Variants in PAWR observed in about 807,000 individuals in gnomAD.
PAWR encodes pro-apoptotic WT1 regulator.
A neutral mutation model predicts 32.0 loss-of-function variants in PAWR; 23 were observed. The ratio of observed to expected loss-of-function variants is 0.72; its 90% CI spans 0.52 to 1.02. The LOEUF is 1.02. Among genes scored for constraint, PAWR ranks in the 50% least tolerant of loss-of-function variants. PAWR has a pLI of 0.00. For missense variants in PAWR, 457 were observed against 437.7 expected (o/e 1.04, Z -0.39); for synonymous variants, 226 against 187.1 (o/e 1.21, Z -1.70).
At chr12:79,614,795 T>A (rs531434180) in intron 3 of PAWR, among the ~76,000 whole-genome samples, 56 of 152,316 alleles carry the variant, frequency 3.7e-4, no homozygotes, top group African/African-American at 1.3e-3. Flanking sequence ...ACTGACTGCA[T>A]GATGCGATAA....
chr12:79,665,641 T>C (rs1299940428), intron 2 of PAWR, among the ~76,000 whole-genome samples: 1 of 152,200 alleles, frequency 6.6e-6, no homozygotes, highest in Non-Finnish European at 1.5e-5. Flanking sequence ...TGAAATTTCA[T>C]TATGCCTAAT....
chr12:79,623,519 T>C (rs1475690083), intron 2 of PAWR, among the ~76,000 whole-genome samples: 1 of 152,156 alleles, frequency 6.6e-6, no homozygotes, highest in Non-Finnish European at 1.5e-5. Context: ...TTAAGATTTT[T>C]TTCAGTAAAT....
At chr12:79,689,294 C>T (rs1878844187) in intron 2 of PAWR, among the ~76,000 whole-genome samples, 1 of 152,186 alleles carries the variant, frequency 6.6e-6, no homozygotes, top group African/African-American at 2.4e-5. Context: ...TGTTATTAAA[C>T]ATTGGTAAGA....
chr12:79,612,729 G>A (rs138985012), intron 4 of PAWR, among the ~76,000 whole-genome samples: 1 of 152,124 alleles, frequency 6.6e-6, no homozygotes, highest in Non-Finnish European at 1.5e-5. Flanking sequence ...ATCATTCTAG[G>A]ATTATTAGCG....
rs530362433 is a variant in PAWR, at chr12:79,591,236, T to C, written c.*1371A>G. The C allele has an allele frequency of 2.0e-5, 3 of 152,324 alleles. No homozygotes were observed. Among genetic ancestry groups the C allele is most frequent in the African/African-American group, 4.8e-5 (2 of 41,578 alleles). 9.4% of individuals were successfully genotyped at this position (152,324 alleles called of 1,614,324 possible). ...TGTAGAGACTTTTAGAATTCAACATTTGATTATCATTTACTCCACATTTTC... is the reference window on the plus strand; with the variant it reads ...TGTAGAGACTTTTAGAATTCAACATCTGATTATCATTTACTCCACATTTTC... On this transcript the variant is annotated 3_prime_UTR_variant, in exon 7 of 7. Coordinates refer to ENST00000328827, the MANE Select transcript of PAWR (RefSeq NM_002583.4).
intron 4 of PAWR, among the ~76,000 whole-genome samples, chr12:79,605,630 TTATATG>T (rs1415234605): frequency 6.6e-6 from 1 of 152,168 alleles, no homozygotes; most frequent in African/African-American, 2.4e-5. Flanking sequence ...GTATTGCCTA[TTATATG>T]TATAATATTT....
chr12:79,680,527 T>C (rs1011520127), intron 2 of PAWR, among the ~76,000 whole-genome samples: 5 of 152,210 alleles, frequency 3.3e-5, no homozygotes, highest in African/African-American at 4.8e-5. Context: ...TTAAATGCCA[T>C]TGACAAAGTT....
At chr12:79,673,945 G>T (rs1194125252) in intron 2 of PAWR, among the ~76,000 whole-genome samples, 1 of 152,074 alleles carries the variant, frequency 6.6e-6, no homozygotes, top group East Asian at 1.9e-4. Flanking sequence ...TCATGGATAG[G>T]AAGAATCAGT....
chr12:79,632,324 TATATATATATATATATATATATATA>T (rs1875699594), intron 2 of PAWR, among the ~76,000 whole-genome samples: 2 of 26,634 alleles, frequency 7.5e-5, no homozygotes, highest in East Asian at 1.5e-3. Flanking sequence ...TATATATATA[TATATATATATATATATATATATATA>T]TATATATATA....
chr12:79,638,326 ATGT>A (rs1392268485), intron 2 of PAWR, among the ~76,000 whole-genome samples: 2 of 151,990 alleles, frequency 1.3e-5, no homozygotes, highest in Non-Finnish European at 2.9e-5. Flanking sequence ...TTCTTCACTG[ATGT>A]TGTCTGTCAA....
intron 3 of PAWR, among the ~76,000 whole-genome samples, chr12:79,619,576 T>C (rs1162365389): frequency 1.3e-5 from 2 of 152,198 alleles, no homozygotes; most frequent in Non-Finnish European, 2.9e-5. Flanking sequence ...AGGCATCCAT[T>C]GGAGGTCTTG....
chr12:79,593,368 G>A (rs1473006947), intron 6 of PAWR, among the ~76,000 whole-genome samples: 1 of 152,094 alleles, frequency 6.6e-6, no homozygotes, highest in Non-Finnish European at 1.5e-5. Context: ...TCGCTCTCCA[G>A]CTTTAAAAGC....
chr12:79,626,428 T>C (rs1471283448), intron 2 of PAWR, among the ~76,000 whole-genome samples: 1 of 150,340 alleles, frequency 6.7e-6, no homozygotes, highest in African/African-American at 2.4e-5. Context: ...CCCGGATCAT[T>C]TTTTGTATTT....
intron 4 of PAWR, among the ~76,000 whole-genome samples, chr12:79,600,491 G>A (rs555195571): frequency 4.1e-4 from 62 of 149,976 alleles, no homozygotes; most frequent in African/African-American, 1.2e-3. Flanking sequence ...GGGGCGGGGG[G>A]AGATAGGGTC....
At chr12:79,632,060 G>A (rs1875651668) in intron 2 of PAWR, 1 of 146,970 alleles carries the variant, frequency 6.8e-6, no homozygotes, top group African/African-American at 2.5e-5. Context: ...TTGAACCCGG[G>A]AGGCAGAAAT....
chr12:79,667,574 T>A (rs923064008), intron 2 of PAWR, among the ~76,000 whole-genome samples: 5 of 152,210 alleles, frequency 3.3e-5, no homozygotes, highest in African/African-American at 1.2e-4. Flanking sequence ...AACTATAATG[T>A]ATAGATCTTA....
intron 2 of PAWR, among the ~76,000 whole-genome samples, chr12:79,623,100 G>A (rs1875104873): frequency 6.6e-6 from 1 of 152,130 alleles, no homozygotes; most frequent in Non-Finnish European, 1.5e-5. Flanking sequence ...AAGACCAAAA[G>A]TGAAAAGACT....
In PAWR at chr12:79,585,112, T is replaced by C. The variant is rs1565991920; in HGVS notation, c.*7495A>G. 2.2e-6 allele frequency: 1 copy of C among 450,178 alleles called. No individual in the cohort carries two copies. The highest frequency in any genetic ancestry group is 4.4e-6 in the Non-Finnish European group (1 of 225,092). 27.9% of individuals were successfully genotyped at this position (450,178 alleles called of 1,614,324 possible). A position where few individuals can be genotyped will look rare whatever the true frequency, so the allele number is the denominator to read the frequency against. Reference sequence around the variant, plus strand: ...ATGTCCATGCTGAGGCTTCTCCTGATACAATCTTTTGCAACATAACCAACA... The same window carrying C: ...ATGTCCATGCTGAGGCTTCTCCTGACACAATCTTTTGCAACATAACCAACA... On this transcript the variant is annotated 3_prime_UTR_variant, in exon 7 of 7. Coordinates refer to ENST00000328827, the MANE Select transcript of PAWR (RefSeq NM_002583.4).
At chr12:79,646,560 T>C (rs764743094) in intron 2 of PAWR, among the ~76,000 whole-genome samples, 9 of 152,210 alleles carry the variant, frequency 5.9e-5, no homozygotes, top group Non-Finnish European at 7.3e-5. Context: ...ATTTACTGTA[T>C]ACAACAAATC....
Sources: gnomAD v4.1 joint callset for allele counts (sites outside exome capture counted in the v4.1 genomes callset) on GRCh38, gnomAD v4.1.1 for gene constraint, MANE v1.5 for transcripts, NCBI Gene and HGNC (gene_info 2026-07-23, HGNC 2026-07-21) for gene names.